Variants in ZFAND3 observed in about 807,000 individuals in gnomAD.
ZFAND3 encodes AN1-type zinc finger protein 3.
ZFAND3 carries 10 observed loss-of-function variants against 29.6 expected under a neutral mutation model. That is an observed-to-expected ratio of 0.34 (90% CI 0.21 to 0.57). The LOEUF is 0.57. Among genes scored for constraint, ZFAND3 ranks in the 20% least tolerant of loss-of-function variants. ZFAND3 has a pLI of 0.86. For missense variants in ZFAND3, 230 were observed against 304.5 expected, an observed-to-expected ratio of 0.76 and a Z score of 1.82; for synonymous variants, 128 against 112.6, an observed-to-expected ratio of 1.14 and a Z score of -0.87.
intron 1 of ZFAND3, among the ~76,000 whole-genome samples, chr6:37,862,120 A>G (rs1191700830): frequency 6.6e-6 from 1 of 150,546 alleles, no homozygotes; most frequent in Non-Finnish European, 1.5e-5. Context: ...ACTTTTTTAT[A>G]TGTTTACTTT....
chr6:38,072,717 T>C (rs1764480484), intron 3 of ZFAND3, among the ~76,000 whole-genome samples: 1 of 152,240 alleles, frequency 6.6e-6, no homozygotes, highest in Non-Finnish European at 1.5e-5. Context: ...AAATATATTT[T>C]AATTGTGCTT....
chr6:37,992,326 C>A (rs1220271759), intron 2 of ZFAND3, among the ~76,000 whole-genome samples: 1 of 152,152 alleles, frequency 6.6e-6, no homozygotes, highest in East Asian at 1.9e-4. Flanking sequence ...AGAAGCAAAA[C>A]CTAGTATAGT....
intron 2 of ZFAND3, among the ~76,000 whole-genome samples, chr6:38,060,800 T>A (rs1265629380): frequency 1.3e-5 from 2 of 152,088 alleles, no homozygotes; most frequent in African/African-American, 2.4e-5. Flanking sequence ...TATACGATTG[T>A]GTTATACTTG....
At chr6:37,827,040 T>A (rs1220662681) in intron 1 of ZFAND3, among the ~76,000 whole-genome samples, 1 of 152,160 alleles carries the variant, frequency 6.6e-6, no homozygotes, top group Non-Finnish European at 1.5e-5. Flanking sequence ...TTCAAGCCTG[T>A]TTTCTTGTGG....
intron 1 of ZFAND3, among the ~76,000 whole-genome samples, chr6:37,912,402 A>G (rs1035338109): frequency 2.0e-5 from 3 of 152,208 alleles, no homozygotes; most frequent in African/African-American, 7.2e-5. Context: ...GTTGGCGAAT[A>G]TACATATGGC....
At chr6:37,879,453 A>G (rs1289681766) in intron 1 of ZFAND3, among the ~76,000 whole-genome samples, 1 of 152,100 alleles carries the variant, frequency 6.6e-6, no homozygotes, top group East Asian at 1.9e-4. Context: ...TGATACCCAC[A>G]TGGACTTGCA....
In ZFAND3 at chr6:38,153,338, C is replaced by T. The variant is rs1432308361; in HGVS notation, c.*949C>T. ...TGGGAGCAGCAGCTGGGGAAGCTGC[C>T]GCCCACGGGCTCTGCCCCTTCCAGC... is the stretch of plus-strand genomic sequence containing the variant. On this transcript the variant is annotated 3_prime_UTR_variant, in exon 6 of 6. Coordinates refer to ENST00000287218, the MANE Select transcript of ZFAND3 (RefSeq NM_021943.3). 1.4e-5 allele frequency: 14 copies of T among 985,374 alleles called. No individual in the cohort carries two copies. Among genetic ancestry groups the T allele is most frequent in the Non-Finnish European group, 1.6e-5 (13 of 829,956 alleles). The allele number at this position is 985,374 out of a possible 1,614,324, so 61.0% of individuals were successfully genotyped here.
intron 5 of ZFAND3, among the ~76,000 whole-genome samples, chr6:38,124,468 T>C (rs144029232): frequency 0.033 from 4,950 of 152,236 alleles, 213 homozygotes; most frequent in African/African-American, 0.096. Context: ...CTGCAGGTCC[T>C]GAGCCCTGCC....
chr6:38,086,890 G>A lies in ZFAND3; in HGVS notation c.361+4433G>A, dbSNP rs375452472. ...AAGACCCAGAATAGACAAAGCTATC[G>A]TAAGCAAAAAGAACAAAACTGGAGG... is the stretch of plus-strand genomic sequence containing the variant. On this transcript the variant is annotated intron_variant, in intron 4 of 5. Coordinates refer to ENST00000287218, the MANE Select transcript of ZFAND3 (RefSeq NM_021943.3). Among the ~76,000 whole-genome samples, 295 of 152,134 alleles carry A rather than the reference G, an allele frequency of 1.9e-3. 3 individuals carry two copies. The highest frequency in any genetic ancestry group is 6.8e-3 in the African/African-American group (281 of 41,514).
chr6:38,012,140 T>C (rs73421483), intron 2 of ZFAND3, among the ~76,000 whole-genome samples: 10,377 of 152,162 alleles, frequency 0.068, 427 homozygotes, highest in Non-Finnish European at 0.087. Context: ...TGCTGTATGC[T>C]GTGTAATGTA....
At chr6:37,929,568 A>G (rs1479598128) in intron 1 of ZFAND3, among the ~76,000 whole-genome samples, 2 of 152,208 alleles carry the variant, frequency 1.3e-5, no homozygotes, top group East Asian at 1.9e-4. Flanking sequence ...TGATAACTTC[A>G]TATATTTTTC....
At chr6:37,908,743 G>GA (rs202057469) in intron 1 of ZFAND3, among the ~76,000 whole-genome samples, 26,570 of 97,210 alleles carry the variant, frequency 0.27, 2,825 homozygotes, top group Non-Finnish European at 0.36. Flanking sequence ...AATTTTCAAA[G>GA]AAAAAAAAAA....
chr6:38,102,018 A>G (rs966530552), intron 4 of ZFAND3, among the ~76,000 whole-genome samples: 17 of 152,306 alleles, frequency 1.1e-4, no homozygotes, highest in African/African-American at 4.1e-4. Context: ...ACAGGATGAC[A>G]GTCTCTCACT....
intron 2 of ZFAND3, among the ~76,000 whole-genome samples, chr6:37,944,081 G>T (rs150989412): frequency 6.6e-6 from 1 of 152,222 alleles, no homozygotes; most frequent in Non-Finnish European, 1.5e-5. Context: ...TCATTGTTCT[G>T]TAGAGTTGAT....
At chr6:37,824,945 T>C (rs1353105079) in intron 1 of ZFAND3, among the ~76,000 whole-genome samples, 1 of 152,246 alleles carries the variant, frequency 6.6e-6, no homozygotes, top group Non-Finnish European at 1.5e-5. Context: ...TAATAGAAAG[T>C]TGATTGAAAA....
chr6:38,118,074 A>G (rs1372414296), intron 5 of ZFAND3, among the ~76,000 whole-genome samples: 3 of 152,202 alleles, frequency 2.0e-5, no homozygotes, highest in Non-Finnish European at 4.4e-5. Flanking sequence ...TTATAGTGCT[A>G]AGCATTTTTG....
intron 5 of ZFAND3, among the ~76,000 whole-genome samples, chr6:38,129,210 G>C (rs542682769): frequency 6.6e-6 from 1 of 152,240 alleles, no homozygotes; most frequent in South Asian, 2.1e-4. Flanking sequence ...GTTCATTGTA[G>C]ATTCTGGATA....
intron 1 of ZFAND3, among the ~76,000 whole-genome samples, chr6:37,828,901 C>T (rs1258895364): frequency 6.6e-6 from 1 of 152,084 alleles, no homozygotes; most frequent in Non-Finnish European, 1.5e-5. Context: ...CCGCCCGCCT[C>T]GGCCTCCCAA....
intron 5 of ZFAND3, among the ~76,000 whole-genome samples, chr6:38,119,354 C>T (rs1339376222): frequency 6.6e-6 from 1 of 152,148 alleles, no homozygotes; most frequent in Admixed American, 6.5e-5. Flanking sequence ...TAATTTACTA[C>T]TGAAAGTGAA....
Sources: allele counts gnomAD v4.1 joint callset (sites outside exome capture counted in the v4.1 genomes callset), GRCh38; gene constraint gnomAD v4.1.1; transcripts MANE v1.5; gene names NCBI Gene and HGNC (gene_info 2026-07-23, HGNC 2026-07-21).